NUF2: variants seen among roughly 807,000 people sequenced by gnomAD.
NUF2 encodes kinetochore protein Nuf2.
A neutral mutation model predicts 61.8 loss-of-function variants in NUF2; 34 were observed. The ratio of observed to expected loss-of-function variants is 0.55; its 90% CI spans 0.42 to 0.73. The LOEUF (loss-of-function observed/expected upper bound fraction) is 0.73. Ranked by LOEUF, NUF2 falls within the 30% of genes least tolerant of loss-of-function variation. The probability of loss-of-function intolerance (pLI) is 0.00; values close to 1 mark genes in which losing one functional copy is unlikely to be tolerated. For missense variants in NUF2, 445 were observed against 539.1 expected (o/e 0.83, Z 1.73); for synonymous variants, 172 against 181.6 (o/e 0.95, Z 0.42).
chr1:163,350,720 A>T (rs1651288109), intron 13 of NUF2, among the ~76,000 whole-genome samples: 1 of 152,178 alleles, frequency 6.6e-6, no homozygotes, highest in Non-Finnish European at 1.5e-5. Context: ...GAATTTTAAG[A>T]TGAACAAATC....
chr1:163,347,759 A>G lies in NUF2; in HGVS notation c.949-4A>G, dbSNP rs1204659505. 6.6e-7 allele frequency: 1 copy of G among 1,524,046 alleles called. No homozygotes were observed. Among genetic ancestry groups the G allele is most frequent in the Middle Eastern group, 1.8e-4 (1 of 5,656 alleles). The allele number at this position is 1,524,046 out of a possible 1,614,324, so 94.4% of individuals were successfully genotyped here. A position where few individuals can be genotyped will look rare whatever the true frequency, so the allele number is the denominator to read the frequency against. Reference sequence around the variant, plus strand: ...TGACTTTAAATACTTCTTATAAAATACAGAGCCTGAACTTGGAGGACCAAA... The same window carrying G: ...TGACTTTAAATACTTCTTATAAAATGCAGAGCCTGAACTTGGAGGACCAAA... On this transcript the variant is annotated splice_region_variant and splice_polypyrimidine_tract_variant and intron_variant, in intron 11 of 13. Transcript: ENST00000271452.
intron 10 of NUF2, among the ~76,000 whole-genome samples, chr1:163,344,776 A>G (rs1198473693): frequency 6.6e-6 from 1 of 151,816 alleles, no homozygotes; most frequent in East Asian, 1.9e-4. Context: ...ACTAGACTAG[A>G]CAAAGATCAC....
At chr1:163,350,080 T>C (rs1431359878) in intron 13 of NUF2, among the ~76,000 whole-genome samples, 1 of 151,768 alleles carries the variant, frequency 6.6e-6, no homozygotes. Context: ...GGCGGGCGGA[T>C]CACGAGGTCA....
chr1:163,347,455 G>C, intron 11 of NUF2, among the ~76,000 whole-genome samples: 2 of 152,122 alleles, frequency 1.3e-5, no homozygotes, highest in Middle Eastern at 6.8e-3. Flanking sequence ...CCCTTTATTT[G>C]TACTACTTTA....
At chr1:163,344,473 G>A (rs995104609) in intron 10 of NUF2, among the ~76,000 whole-genome samples, 3 of 144,648 alleles carry the variant, frequency 2.1e-5, no homozygotes, top group Non-Finnish European at 4.6e-5. Context: ...AAAAAAAGAC[G>A]CTTTTCATTT....
At chr1:163,326,001 T>C in intron 1 of NUF2, 31 bp from the exon 2 acceptor site, 3 of 1,559,356 alleles carry the variant, frequency 1.9e-6, no homozygotes, top group Non-Finnish European at 1.8e-6. Context: ...ACTGATCATG[T>C]GGTATTTCTC....
Position 163,340,412 on chromosome 1 carries a change from A to T in NUF2, c.655A>T (p.Lys219Ter). The T allele has an allele frequency of 6.2e-7, 1 of 1,610,800 alleles. No homozygotes were observed. The highest frequency in any genetic ancestry group is 8.5e-7 in the Non-Finnish European group (1 of 1,178,208). ...NSQKKSNISE[K>*]TKRLNELKLS... ...CCAAAAGAAGTCAAATATTTCAGAG[A>T]AAACCAAGCGTTTGGTAAACATCTT... Residue 219 changes from lysine to a stop codon, truncating the protein, a stop_gained, in exon 9 of 14, where the codon AAA becomes TAA. Coordinates refer to ENST00000271452, the MANE Select transcript of NUF2 (RefSeq NM_145697.3). LOFTEE classifies it high-confidence loss of function.
At chr1:163,355,276 C>T (rs1193720817) in intron 13 of NUF2, 59 bp from the exon 14 acceptor site, 4 of 1,304,500 alleles carry the variant, frequency 3.1e-6, no homozygotes, top group African/African-American at 1.5e-5. Context: ...TCTTATAACT[C>T]ATTTGTAGTT....
chr1:163,327,379 T>G (rs1385586229), intron 2 of NUF2, 109 bp from the exon 3 acceptor site: 16 of 659,404 alleles, frequency 2.4e-5, no homozygotes, highest in Non-Finnish European at 4.3e-5. Flanking sequence ...ATAATTTTGT[T>G]GCCTTTTTCT....
At chr1:163,322,595 T>G (rs769348128) in intron 1 of NUF2, among the ~76,000 whole-genome samples, 1 of 152,258 alleles carries the variant, frequency 6.6e-6, no homozygotes, top group Non-Finnish European at 1.5e-5. Context: ...AGGAACGTTT[T>G]ACTTAATTCA....
At chr1:163,352,865 CA>C (rs529145033) in intron 13 of NUF2, among the ~76,000 whole-genome samples, 1,718 of 134,170 alleles carry the variant, frequency 0.013, 22 homozygotes, top group African/African-American at 0.037. Context: ...GACTCCGTCT[CA>C]AAAAAAAAAA....
rs935679636 is a variant in NUF2 at position 163,346,031 on chromosome 1, T to C, written c.948+213T>C. Reference sequence around the variant, plus strand: ...ATTTTTAACCTTCTGATGAAATTAATAATAACTAACCCATCACATTGCTGT... The same window carrying C: ...ATTTTTAACCTTCTGATGAAATTAACAATAACTAACCCATCACATTGCTGT... On this transcript the variant is annotated intron_variant, in intron 11 of 13. Transcript: ENST00000271452. The C allele has an allele frequency of 1.0e-5, 4 of 385,420 alleles. 1 individual carries two copies. Among genetic ancestry groups the C allele is most frequent in the East Asian group, 4.4e-5 (1 of 22,520 alleles). The allele number at this position is 385,420 out of a possible 1,614,324, so 23.9% of individuals were successfully genotyped here. A position where few individuals can be genotyped will look rare whatever the true frequency, so the allele number is the denominator to read the frequency against.
intron 1 of NUF2, among the ~76,000 whole-genome samples, chr1:163,325,544 A>C (rs7513262): frequency 0.17 from 25,700 of 152,082 alleles, 2,267 homozygotes; most frequent in Non-Finnish European, 0.19. Flanking sequence ...TTGCATCTAC[A>C]ACCTTATTAG....
intron 10 of NUF2, among the ~76,000 whole-genome samples, chr1:163,345,426 G>T (rs1281251330): frequency 6.6e-6 from 1 of 152,168 alleles, no homozygotes; most frequent in South Asian, 2.1e-4. Flanking sequence ...CTTTTGGAAG[G>T]TATTTCATTG....
Position 163,343,729 on chromosome 1 carries a change from A to G in NUF2, c.670-4A>G. On this transcript the variant is annotated splice_region_variant and splice_polypyrimidine_tract_variant and intron_variant, in intron 9 of 13. Coordinates refer to ENST00000271452, the MANE Select transcript of NUF2 (RefSeq NM_145697.3). ...TCTAATATATAAAAATGTTTTCTCAACAGAATGAACTAAAATTGTCGGTGG... is the reference window on the plus strand; with the variant it reads ...TCTAATATATAAAAATGTTTTCTCAGCAGAATGAACTAAAATTGTCGGTGG... 7.3e-7 allele frequency: 1 copy of G among 1,362,716 alleles called. No homozygotes were observed. The highest frequency in any genetic ancestry group is 2.6e-5 in the East Asian group (1 of 38,086). 84.4% of individuals were successfully genotyped at this position (1,362,716 alleles called of 1,614,324 possible).
In NUF2 at chr1:163,336,784, T is replaced by A; in HGVS notation, c.371T>A (p.Ile124Asn). 6.2e-7 allele frequency: 1 copy of A among 1,612,946 alleles called. No individual in the cohort carries two copies. The highest frequency in any genetic ancestry group is 8.5e-7 in the Non-Finnish European group (1 of 1,179,190). The change falls in exon 6 of 14, where the codon ATT (isoleucine) becomes AAT (asparagine). Residue 124 changes from isoleucine (I) to asparagine (N), a missense_variant. Physicochemically the swap from Ile to Asn is moderately radical, Grantham distance 149 (BLOSUM62 -3). Coordinates refer to ENST00000271452, the MANE Select transcript of NUF2 (RefSeq NM_145697.3). ...CGGACAAGTCGGTTTTTAAGTGGCA[T>A]TATCAACTTTATTCACTTCAGAGAA... ...AKRTSRFLSGIINFIHFREAC... is the reference protein window; with the variant it reads ...AKRTSRFLSGNINFIHFREAC...
At chr1:163,354,610 A>G (rs756351588) in intron 13 of NUF2, among the ~76,000 whole-genome samples, 12 of 152,122 alleles carry the variant, frequency 7.9e-5, no homozygotes, top group Non-Finnish European at 1.6e-4. Flanking sequence ...CCCCACTGGA[A>G]AAAGATGACT....
intron 5 of NUF2, among the ~76,000 whole-genome samples, chr1:163,332,837 A>G (rs1399173578): frequency 6.6e-6 from 1 of 152,150 alleles, no homozygotes; most frequent in African/African-American, 2.4e-5. Context: ...CACTTTGCAA[A>G]TAAGATAACA....
chr1:163,326,770 T>C (rs1351754650), intron 2 of NUF2, among the ~76,000 whole-genome samples: 1 of 150,920 alleles, frequency 6.6e-6, no homozygotes, highest in African/African-American at 2.4e-5. Flanking sequence ...ACTCAAACTT[T>C]CTGATGTCAC....
Sources: allele counts gnomAD v4.1 joint callset (sites outside exome capture counted in the v4.1 genomes callset), GRCh38; gene constraint gnomAD v4.1.1; transcripts MANE v1.5; gene names NCBI Gene and HGNC (gene_info 2026-07-23, HGNC 2026-07-21).